The following TBC1D22A variants were observed in gnomAD, a reference collection of about 807,000 sequenced individuals.
The protein encoded by TBC1D22A is putative GTPase activator.
TBC1D22A carries 38 observed loss-of-function variants against 60.2 expected under a neutral mutation model. The observed-to-expected ratio is 0.63, with a 90% CI of 0.49 to 0.83. The LOEUF (loss-of-function observed/expected upper bound fraction) is 0.83. TBC1D22A is among the 40% of genes least tolerant of loss of function. The pLI is 0.00. For missense variants in TBC1D22A, 628 were observed against 701.0 expected, an observed-to-expected ratio of 0.90 and a Z score of 1.18; for synonymous variants, 302 against 281.7, an observed-to-expected ratio of 1.07 and a Z score of -0.72.
At chr22:46,937,225 A>T (rs1195226449) in intron 8 of TBC1D22A, among the ~76,000 whole-genome samples, 1 of 152,254 alleles carries the variant, frequency 6.6e-6, no homozygotes, top group East Asian at 1.9e-4. Context: ...TTTTTAAAAA[A>T]TAGAAGAAAA....
At chr22:46,935,629 G>A (rs1269184819) in intron 8 of TBC1D22A, among the ~76,000 whole-genome samples, 3 of 152,170 alleles carry the variant, frequency 2.0e-5, no homozygotes, top group African/African-American at 7.2e-5. Flanking sequence ...GTCTTGCAGC[G>A]GTCACTTCCC....
chr22:46,766,195 C>T (rs1253090407), intron 1 of TBC1D22A, among the ~76,000 whole-genome samples: 1 of 152,090 alleles, frequency 6.6e-6, no homozygotes, highest in Non-Finnish European at 1.5e-5. Context: ...GACGGGGTTT[C>T]ACCGTGCTAG....
Position 46,832,100 on chromosome 22 carries a change from T to TG in TBC1D22A, c.637+34485dup, listed in dbSNP as rs1448530307. 5.3e-5 allele frequency among the ~76,000 whole-genome samples: 8 copies of TG among 152,238 alleles called. No homozygotes were observed. In the East Asian group the frequency reaches 1.5e-3, roughly 29 times the overall value. On this transcript the variant is annotated intron_variant, in intron 4 of 12. Transcript: ENST00000337137. ...CTCGGCTTCATGTTCTGGAAAATGGTGGGGGCCCAGCAAGAGGCTGGGTTT... is the reference window on the plus strand; with the variant it reads ...CTCGGCTTCATGTTCTGGAAAATGGTGGGGGGCCCAGCAAGAGGCTGGGTTT...
intron 11 of TBC1D22A, among the ~76,000 whole-genome samples, chr22:47,037,420 A>C (rs1363787534): frequency 6.6e-6 from 1 of 152,186 alleles, no homozygotes; most frequent in Non-Finnish European, 1.5e-5. Context: ...GCCTGAGCTC[A>C]GGAGTTCGAG....
chr22:46,849,933 A>T lies in TBC1D22A; in HGVS notation c.638-28720A>T, dbSNP rs543290432. On this transcript the variant is annotated intron_variant, in intron 4 of 12. Coordinates refer to ENST00000337137, the MANE Select transcript of TBC1D22A (RefSeq NM_014346.5). Reference sequence around the variant, plus strand: ...TATTTAGCCAGGTTGGTTTAGATGAACTTGGGTAAATGACAGCTGGTGATG... The same window carrying T: ...TATTTAGCCAGGTTGGTTTAGATGATCTTGGGTAAATGACAGCTGGTGATG... Among the ~76,000 whole-genome samples, 44 of 152,292 alleles carry T rather than the reference A, an allele frequency of 2.9e-4. 1 individual carries two copies. The East Asian group carries it at 6.7e-3, about 23-fold the overall frequency.
chr22:47,105,962 A>G (rs2065619678), intron 11 of TBC1D22A, among the ~76,000 whole-genome samples: 3 of 152,250 alleles, frequency 2.0e-5, no homozygotes, highest in African/African-American at 7.2e-5. Flanking sequence ...CATTTTAAAT[A>G]ATACAAAGAA....
chr22:47,105,730 C>T (rs1481144869), intron 11 of TBC1D22A, among the ~76,000 whole-genome samples: 2 of 152,126 alleles, frequency 1.3e-5, no homozygotes, highest in Non-Finnish European at 2.9e-5. Flanking sequence ...CCCTCAGGCT[C>T]TAGAGAAGCA....
intron 8 of TBC1D22A, among the ~76,000 whole-genome samples, chr22:46,950,610 T>A (rs1008307241): frequency 2.6e-5 from 4 of 152,156 alleles, no homozygotes; most frequent in African/African-American, 9.7e-5. Flanking sequence ...TGTTCTTCCT[T>A]TCCAGTGTGG....
chr22:47,016,088 G>A (rs1603009863), intron 10 of TBC1D22A, among the ~76,000 whole-genome samples: 1 of 152,148 alleles, frequency 6.6e-6, no homozygotes, highest in South Asian at 2.1e-4. Context: ...GTTCTGTCCC[G>A]GCACGCTTCC....
chr22:47,147,915 G>T (rs2067346391), intron 12 of TBC1D22A, among the ~76,000 whole-genome samples: 1 of 152,188 alleles, frequency 6.6e-6, no homozygotes, highest in Admixed American at 6.5e-5. Flanking sequence ...TGAGGGCTTG[G>T]CATGAAGCTG....
intron 8 of TBC1D22A, among the ~76,000 whole-genome samples, chr22:46,933,919 G>T (rs1366948561): frequency 3.3e-5 from 5 of 152,246 alleles, no homozygotes; most frequent in African/African-American, 1.2e-4. Flanking sequence ...AGTTGAGGCT[G>T]TGTGGCCAGG....
intron 10 of TBC1D22A, among the ~76,000 whole-genome samples, chr22:47,011,714 C>T (rs984724343): frequency 1.3e-5 from 2 of 152,150 alleles, no homozygotes; most frequent in Non-Finnish European, 2.9e-5. Context: ...CTTTTGTCTC[C>T]AGATGTTTAT....
chr22:46,940,147 A>C (rs552101583), intron 8 of TBC1D22A, among the ~76,000 whole-genome samples: 2 of 152,212 alleles, frequency 1.3e-5, no homozygotes, highest in Non-Finnish European at 2.9e-5. Flanking sequence ...AAACAGCAGC[A>C]TACATACCAT....
In TBC1D22A at chr22:46,990,763, G is replaced by T. The variant is rs571730573; in HGVS notation, c.1126-6871G>T. Among the ~76,000 whole-genome samples, 7 of 152,286 alleles carry T rather than the reference G, an allele frequency of 4.6e-5. No homozygotes were observed. Among genetic ancestry groups the T allele is most frequent in the African/African-American group, 1.4e-4 (6 of 41,548 alleles). On this transcript the variant is annotated intron_variant, in intron 9 of 12. Transcript: ENST00000337137. The surrounding 1 kb of genome is among the most constrained non-coding windows in gnomAD (Gnocchi z 4.6). ...GGAACCTTTTCATCCCACTGCTCCTGCTGCGGTGGCTTCTCTCCCCGTTGG... is the reference window on the plus strand; with the variant it reads ...GGAACCTTTTCATCCCACTGCTCCTTCTGCGGTGGCTTCTCTCCCCGTTGG...
At chr22:46,900,960 A>T (rs1047305201) in intron 7 of TBC1D22A, among the ~76,000 whole-genome samples, 2 of 152,214 alleles carry the variant, frequency 1.3e-5, no homozygotes, top group Non-Finnish European at 2.9e-5. Context: ...AATCTTTACT[A>T]TGTTAAGGAA....
chr22:46,899,611 G>A (rs2068872667), intron 7 of TBC1D22A, among the ~76,000 whole-genome samples: 1 of 152,212 alleles, frequency 6.6e-6, no homozygotes, highest in Non-Finnish European at 1.5e-5. Context: ...CCAGTACGAG[G>A]TCATTGTCAG....
At chr22:47,156,015 G>C (rs1371406269) in intron 12 of TBC1D22A, among the ~76,000 whole-genome samples, 1 of 152,096 alleles carries the variant, frequency 6.6e-6, no homozygotes, top group African/African-American at 2.4e-5. Flanking sequence ...TGTGACACCG[G>C]GTTCATCAAG....
intron 10 of TBC1D22A, among the ~76,000 whole-genome samples, chr22:47,027,129 C>T (rs1181549709): frequency 6.6e-6 from 1 of 151,952 alleles, no homozygotes; most frequent in African/African-American, 2.4e-5. Context: ...CAATGATTTC[C>T]AAAAAGGTAC....
intron 3 of TBC1D22A, among the ~76,000 whole-genome samples, chr22:46,795,167 C>A (rs1601894277): frequency 6.6e-6 from 1 of 152,222 alleles, no homozygotes; most frequent in East Asian, 1.9e-4. Flanking sequence ...GGCTTGGAAA[C>A]CTGGTGACTG....
Sources: gnomAD v4.1 joint callset for allele counts (sites outside exome capture counted in the v4.1 genomes callset) on GRCh38, gnomAD v4.1.1 for gene constraint, Gnocchi (gnomAD v3.1) non-coding constraint, MANE v1.5 for transcripts, NCBI Gene and HGNC (gene_info 2026-07-23, HGNC 2026-07-21) for gene names.